NEGR1: variants seen among roughly 807,000 people sequenced by gnomAD.
The protein encoded by NEGR1 is IgLON family member 4.
Under a neutral mutation model 40.9 loss-of-function variants are expected in NEGR1, and 10 were observed. The ratio of observed to expected loss-of-function variants is 0.24; its 90% CI spans 0.15 to 0.42. NEGR1 has a LOEUF of 0.42. NEGR1 is among the 10% of genes least tolerant of loss of function. The pLI is 1.00. For missense variants in NEGR1, 352 were observed against 438.9 expected (o/e 0.80, Z 1.77); for synonymous variants, 185 against 166.8 (o/e 1.11, Z -0.84).
At chr1:71,774,266 C>T (rs1048992531) in intron 3 of NEGR1, among the ~76,000 whole-genome samples, 1 of 152,088 alleles carries the variant, frequency 6.6e-6, no homozygotes, top group African/African-American at 2.4e-5. Flanking sequence ...ATGTGTATAA[C>T]TCCTGGTTCT....
intron 3 of NEGR1, among the ~76,000 whole-genome samples, chr1:71,718,397 C>T (rs995105060): frequency 2.0e-5 from 3 of 152,122 alleles, no homozygotes; most frequent in Admixed American, 6.6e-5. Flanking sequence ...TTGAAAGTTC[C>T]TTGAGCCTTC....
intron 4 of NEGR1, among the ~76,000 whole-genome samples, chr1:71,645,525 G>GA (rs976195739): frequency 4.6e-5 from 7 of 151,304 alleles, no homozygotes; most frequent in African/African-American, 1.5e-4. Context: ...TCCCACAGCA[G>GA]AAAAAAAATC....
chr1:72,019,767 T>C (rs1396253154), intron 1 of NEGR1, among the ~76,000 whole-genome samples: 3 of 152,224 alleles, frequency 2.0e-5, no homozygotes, highest in Admixed American at 2.0e-4. Flanking sequence ...AAACTATGCA[T>C]TTTAACCTAA....
chr1:71,513,415 G>T, intron 6 of NEGR1, among the ~76,000 whole-genome samples: 1 of 152,052 alleles, frequency 6.6e-6, no homozygotes, highest in Non-Finnish European at 1.5e-5. Flanking sequence ...CTATGTTTTT[G>T]AGTTGATAAA....
intron 1 of NEGR1, among the ~76,000 whole-genome samples, chr1:72,242,431 C>T (rs1654776071): frequency 6.6e-6 from 1 of 151,488 alleles, no homozygotes; most frequent in Admixed American, 6.6e-5. Flanking sequence ...CATATCTACC[C>T]TGTTCACTGA....
intron 2 of NEGR1, chr1:71,798,190 A>G (rs1379859583): frequency 6.6e-6 from 1 of 152,040 alleles, no homozygotes; most frequent in Non-Finnish European, 1.5e-5. Flanking sequence ...CAAGAGTATC[A>G]CTGATCCAGA....
intron 6 of NEGR1, among the ~76,000 whole-genome samples, chr1:71,504,714 G>A (rs1647021313): frequency 6.6e-6 from 1 of 152,094 alleles, no homozygotes; most frequent in Non-Finnish European, 1.5e-5. Flanking sequence ...GGGTACAAAA[G>A]TCTCTAAGGA....
At chr1:72,274,465 G>T (rs185045795) in intron 1 of NEGR1, 1 of 571,694 alleles carries the variant, frequency 1.7e-6, no homozygotes, top group East Asian at 3.1e-5. Context: ...CTCTTGAGCA[G>T]CAGAAGCACA....
intron 1 of NEGR1, among the ~76,000 whole-genome samples, chr1:72,077,739 G>A (rs1478546981): frequency 1.3e-5 from 2 of 152,068 alleles, no homozygotes; most frequent in Non-Finnish European, 2.9e-5. Flanking sequence ...TTTGATCCTG[G>A]GAGGTTGAGG....
intron 1 of NEGR1, among the ~76,000 whole-genome samples, chr1:72,007,328 A>T (rs1646616529): frequency 6.6e-6 from 1 of 152,030 alleles, no homozygotes; most frequent in African/African-American, 2.4e-5. Flanking sequence ...AAATTCTTTT[A>T]AAACTTTCTT....
At chr1:71,456,592 A>C (rs757083789) in intron 6 of NEGR1, among the ~76,000 whole-genome samples, 11 of 152,186 alleles carry the variant, frequency 7.2e-5, no homozygotes, top group African/African-American at 9.6e-5. Context: ...TCTTCCCCGC[A>C]ATGGCTGGCT....
At chr1:71,446,211 G>T (rs1011059582) in intron 6 of NEGR1, among the ~76,000 whole-genome samples, 5 of 152,068 alleles carry the variant, frequency 3.3e-5, no homozygotes, top group Non-Finnish European at 4.4e-5. Context: ...CGAACTCATT[G>T]GAAGTCACTT....
intron 2 of NEGR1, among the ~76,000 whole-genome samples, chr1:71,802,482 T>C (rs932299982): frequency 2.0e-5 from 3 of 152,136 alleles, no homozygotes; most frequent in African/African-American, 4.8e-5. Context: ...ACTTGCACCA[T>C]AGGCCCAGAG....
intron 1 of NEGR1, among the ~76,000 whole-genome samples, chr1:72,083,964 A>G (rs1648106656): frequency 6.6e-6 from 1 of 152,136 alleles, no homozygotes; most frequent in Non-Finnish European, 1.5e-5. Context: ...ACAATGTACA[A>G]TAACCTGCAT....
intron 1 of NEGR1, among the ~76,000 whole-genome samples, chr1:72,271,540 G>T (rs1208425161): frequency 6.6e-6 from 1 of 151,820 alleles, no homozygotes. Flanking sequence ...TGACCCAATT[G>T]CAGGCCAAGG....
At chr1:71,675,126 T>TATATATATATATATATATATATATACAC (rs145354058) in intron 4 of NEGR1, among the ~76,000 whole-genome samples, 1,422 of 77,204 alleles carry the variant, frequency 0.018, 61 homozygotes, top group Middle Eastern at 0.044. Context: ...TATATATATA[T>TATATATATATATATATATATATATACAC]ACACACACAC....
In NEGR1 at chr1:71,398,112, G is replaced by T. The variant is rs1646223820; in HGVS notation, c.*9334C>A. ...AGAGGATGTATAGAAATGCCTGGAT[G>T]CCCAGAATGAAGTTCTCCTCATGGA... On this transcript the variant is annotated 3_prime_UTR_variant, in exon 7 of 7. Coordinates refer to ENST00000357731, the MANE Select transcript of NEGR1 (RefSeq NM_173808.3). The T allele has an allele frequency of 6.6e-6, 1 of 152,264 alleles. No individual in the cohort carries two copies. Among genetic ancestry groups the T allele is most frequent in the African/African-American group, 2.4e-5 (1 of 41,440 alleles). 9.4% of individuals were successfully genotyped at this position (152,264 alleles called of 1,614,324 possible). A position where few individuals can be genotyped will look rare whatever the true frequency, so the allele number is the denominator to read the frequency against.
chr1:71,820,697 G>A (rs1658399939), intron 2 of NEGR1, among the ~76,000 whole-genome samples: 1 of 151,870 alleles, frequency 6.6e-6, no homozygotes, highest in African/African-American at 2.4e-5. Context: ...TTGGTCACTG[G>A]GGTCAGAGCT....
intron 4 of NEGR1, among the ~76,000 whole-genome samples, chr1:71,679,694 T>C (rs1652766502): frequency 6.6e-6 from 1 of 152,224 alleles, no homozygotes; most frequent in East Asian, 1.9e-4. Context: ...TTCTCCTTTT[T>C]ACTACAATGG....
Sources: allele counts gnomAD v4.1 joint callset (sites outside exome capture counted in the v4.1 genomes callset), GRCh38; gene constraint gnomAD v4.1.1; transcripts MANE v1.5; gene names NCBI Gene and HGNC (gene_info 2026-07-23, HGNC 2026-07-21).